Variants in CLNK observed in about 807,000 individuals in gnomAD.
CLNK encodes cytokine dependent hematopoietic cell linker.
CLNK carries 74 observed loss-of-function variants against 68.6 expected under a neutral mutation model. That is an observed-to-expected ratio of 1.08 (90% confidence interval 0.89 to 1.31). CLNK has a LOEUF of 1.31. Among genes scored for constraint, CLNK ranks in the 50% most tolerant of loss-of-function variants. The pLI is 0.00. For missense variants in CLNK, 553 were observed against 515.3 expected (o/e 1.07, Z -0.71); for synonymous variants, 198 against 172.2 (o/e 1.15, Z -1.17).
chr4:10,550,434 G>T (rs1230047636), intron 8 of CLNK, among the ~76,000 whole-genome samples: 1 of 152,138 alleles, frequency 6.6e-6, no homozygotes, highest in Non-Finnish European at 1.5e-5. Flanking sequence ...GGCGGAGCTT[G>T]CAGTGAGCCA....
intron 2 of CLNK, among the ~76,000 whole-genome samples, chr4:10,598,437 G>A (rs1285743352): frequency 6.6e-6 from 1 of 152,136 alleles, no homozygotes; most frequent in Non-Finnish European, 1.5e-5. Context: ...TTGATGAGAG[G>A]CTGTTAAGAA....
chr4:10,517,443 T>C (rs561769721), intron 15 of CLNK: 1 of 152,302 alleles, frequency 6.6e-6, no homozygotes, highest in South Asian at 2.1e-4. Context: ...TATGTACTGA[T>C]TGCACTTCTA....
the CLNK span, among the ~76,000 whole-genome samples, chr4:10,695,948 C>T: frequency 1.3e-5 from 2 of 151,902 alleles, no homozygotes. Context: ...CTCTGCCTCC[C>T]GGGTTCAAGC....
chr4:10,539,631 A>G (rs1481719730), intron 11 of CLNK, among the ~76,000 whole-genome samples: 2 of 152,256 alleles, frequency 1.3e-5, no homozygotes, highest in East Asian at 3.8e-4. Context: ...CGAGTTTGTC[A>G]CATTCTGTGA....
At chr4:10,677,645 C>A (rs1210525813) in intron 1 of CLNK, among the ~76,000 whole-genome samples, 1 of 151,862 alleles carries the variant, frequency 6.6e-6, no homozygotes, top group African/African-American at 2.4e-5. Context: ...GTTTTCCATG[C>A]TCTTCTTCAC....
intron 8 of CLNK, among the ~76,000 whole-genome samples, chr4:10,558,181 A>C (rs1719749142): frequency 6.6e-6 from 1 of 152,220 alleles, no homozygotes; most frequent in Non-Finnish European, 1.5e-5. Context: ...ACAACAAAGA[A>C]TACGAATTTT....
chr4:10,658,652 G>A (rs1271783323), intron 2 of CLNK, among the ~76,000 whole-genome samples: 1 of 152,158 alleles, frequency 6.6e-6, no homozygotes, highest in Non-Finnish European at 1.5e-5. Flanking sequence ...GTCTACAGTA[G>A]AGCGGCCATA....
At chr4:10,562,522 C>T (rs891541452) in intron 7 of CLNK, among the ~76,000 whole-genome samples, 2 of 152,138 alleles carry the variant, frequency 1.3e-5, no homozygotes, top group Non-Finnish European at 2.9e-5. Flanking sequence ...TCTCTTGCCT[C>T]AGCCTCCTGA....
Position 10,540,542 on chromosome 4 carries a change from G to T in CLNK, c.554C>A (p.Pro185Gln), listed in dbSNP as rs1278276459. The T allele has an allele frequency of 6.8e-6, 11 of 1,613,864 alleles. No individual in the cohort carries two copies. The East Asian group carries it at 2.2e-4, about 33-fold the overall frequency. The change falls in exon 11 of 19, where the codon CCA (proline) becomes CAA (glutamine). Residue 185 changes from proline to glutamine, a missense_variant. Physicochemically the swap from Pro to Gln is moderately conservative, Grantham distance 76. Transcript: ENST00000226951. ...PLPPEPESSR[P>Q]PLSQRHTFPE... ...AAAGGTGTGTCTCTGAGATAAAGGT[G>T]GCCTGCTGCTCTCCGGCTCAGGGGG...
At chr4:10,734,694 C>A in the CLNK span, among the ~76,000 whole-genome samples, 2 of 152,200 alleles carry the variant, frequency 1.3e-5, no homozygotes, top group Non-Finnish European at 2.9e-5. Context: ...AAGCTCATCC[C>A]TTTCTGGCCC....
chr4:10,707,804 A>G, the CLNK span, among the ~76,000 whole-genome samples: 1 of 152,118 alleles, frequency 6.6e-6, no homozygotes, highest in Non-Finnish European at 1.5e-5. Context: ...TTCTTTATTC[A>G]TTCAGAGGAT....
intron 1 of CLNK, among the ~76,000 whole-genome samples, chr4:10,681,009 C>T (rs1182901988): frequency 6.6e-6 from 1 of 151,898 alleles, no homozygotes; most frequent in Non-Finnish European, 1.5e-5. Flanking sequence ...ATATAAATTT[C>T]TACAGGTAAC....
At chr4:10,494,024 C>G (rs1374384036) in intron 18 of CLNK, among the ~76,000 whole-genome samples, 2 of 152,188 alleles carry the variant, frequency 1.3e-5, no homozygotes, top group African/African-American at 4.8e-5. Context: ...CTAGCTTTGC[C>G]AAGAACATCA....
At chr4:10,583,650 G>A (rs184260497) in intron 4 of CLNK, among the ~76,000 whole-genome samples, 8 of 152,290 alleles carry the variant, frequency 5.3e-5, no homozygotes, top group African/African-American at 1.9e-4. Context: ...TTCCGGTAAG[G>A]TGTAGGTTCG....
At chr4:10,562,674 G>A (rs1476498720) in intron 7 of CLNK, among the ~76,000 whole-genome samples, 2 of 152,194 alleles carry the variant, frequency 1.3e-5, no homozygotes, top group African/African-American at 4.8e-5. Context: ...AAAGTGCTGA[G>A]ATTACAGACG....
At chr4:10,698,370 G>C in the CLNK span, among the ~76,000 whole-genome samples, 1 of 152,160 alleles carries the variant, frequency 6.6e-6, no homozygotes, top group Admixed American at 6.6e-5. Flanking sequence ...CCTTGTACCT[G>C]GTGAAATACC....
chr4:10,581,525 G>A (rs886952284), intron 4 of CLNK, among the ~76,000 whole-genome samples: 1 of 152,158 alleles, frequency 6.6e-6, no homozygotes. Context: ...TTAACAGGGG[G>A]TTGAAGAACA....
intron 8 of CLNK, among the ~76,000 whole-genome samples, chr4:10,544,480 T>C (rs1447933217): frequency 6.6e-6 from 1 of 152,124 alleles, no homozygotes; most frequent in Non-Finnish European, 1.5e-5. Context: ...TAAACGTTCA[T>C]GGGTGATGAC....
rs531872029 is a variant in CLNK, at chr4:10,678,435, G to GT, written c.-43+6232dup. Among the ~76,000 whole-genome samples, 350 of 152,202 alleles carry GT rather than the reference G, an allele frequency of 2.3e-3. 1 individual carries two copies. Among genetic ancestry groups the GT allele is most frequent in the Non-Finnish European group, 3.6e-3 (242 of 68,012 alleles). Reference sequence around the variant, plus strand: ...GAGGATTTGAAATTTGGCTAGGAAGGTATTCCAAAATAATTTCTATTATTT... The same window carrying GT: ...GAGGATTTGAAATTTGGCTAGGAAGGTTATTCCAAAATAATTTCTATTATTT... On this transcript the variant is annotated intron_variant, in intron 1 of 18. Transcript: ENST00000226951.
Sources: allele counts gnomAD v4.1 joint callset (sites outside exome capture counted in the v4.1 genomes callset), GRCh38; gene constraint gnomAD v4.1.1; transcripts MANE v1.5; gene names NCBI Gene and HGNC (gene_info 2026-07-23, HGNC 2026-07-21).